The following FBXO42 variants were observed in gnomAD, a reference collection of about 807,000 sequenced individuals.
FBXO42 encodes the protein F-box only protein 42.
Under a neutral mutation model 71.7 loss-of-function variants are expected in FBXO42, and 12 were observed. The observed-to-expected ratio is 0.17, with a 90% confidence interval of 0.11 to 0.27. FBXO42 has a LOEUF of 0.27. Ranked by LOEUF, FBXO42 falls within the 10% of genes least tolerant of loss-of-function variation. FBXO42 has a pLI of 1.00. For synonymous variants in FBXO42, 325 were observed against 327.5 expected (o/e 0.99, Z 0.08); for missense variants, 707 against 911.9 (o/e 0.78, Z 2.89).
intron 1 of FBXO42, among the ~76,000 whole-genome samples, chr1:16,351,581 C>T (rs893706079): frequency 6.6e-6 from 1 of 152,042 alleles, no homozygotes; most frequent in African/African-American, 2.4e-5. Flanking sequence ...TACTCTGCAG[C>T]GACCATCAAG....
intron 4 of FBXO42, among the ~76,000 whole-genome samples, chr1:16,269,105 G>T (rs2081810398): frequency 3.8e-5 from 1 of 26,118 alleles, no homozygotes; most frequent in South Asian, 2.4e-3. Flanking sequence ...CACCGCACCT[G>T]GCTTTTTTTT....
chr1:16,352,130 A>AC (rs2082707552), intron 1 of FBXO42, 125 bp downstream of exon 1: 1 of 383,072 alleles, frequency 2.6e-6, no homozygotes, highest in Non-Finnish European at 4.6e-6. Flanking sequence ...ACCAGGACCG[A>AC]CCCCCGCGTG....
intron 1 of FBXO42, among the ~76,000 whole-genome samples, chr1:16,332,871 T>G (rs1367034405): frequency 6.6e-6 from 1 of 152,148 alleles, no homozygotes; most frequent in South Asian, 2.1e-4. Context: ...ATAAAATGAA[T>G]AAAATTATCA....
At chr1:16,325,752 A>C (rs1391211849) in intron 1 of FBXO42, among the ~76,000 whole-genome samples, 1 of 151,894 alleles carries the variant, frequency 6.6e-6, no homozygotes, top group Non-Finnish European at 1.5e-5. Context: ...CAGCCTCCAG[A>C]GTAGCTGGGA....
At chr1:16,265,327 G>A (rs2081759397) in intron 4 of FBXO42, among the ~76,000 whole-genome samples, 1 of 152,074 alleles carries the variant, frequency 6.6e-6, no homozygotes, top group African/African-American at 2.4e-5. Context: ...CCAACCTCAG[G>A]TGGTCCTCCC....
At chr1:16,316,575 A>G (rs556616926) in intron 1 of FBXO42, among the ~76,000 whole-genome samples, 1 of 151,872 alleles carries the variant, frequency 6.6e-6, no homozygotes, top group East Asian at 1.9e-4. Flanking sequence ...ATCTCTACTA[A>G]AATACAAAAA....
rs201529452 is a variant in FBXO42, at chr1:16,299,232, C to T, written c.368-4315G>A. On this transcript the variant is annotated intron_variant, in intron 3 of 9. Coordinates refer to ENST00000375592, the MANE Select transcript of FBXO42 (RefSeq NM_018994.3). ...TTCACCATGTTGGCCAGGCTGGTCT[C>T]GATCTCCTGACCTCGTGATCCGCCC... Among the ~76,000 whole-genome samples, 64 of 151,904 alleles carry T rather than the reference C, an allele frequency of 4.2e-4. 1 individual carries two copies. In the South Asian group the frequency reaches 0.012, roughly 29 times the overall value.
chr1:16,278,771 CT>C (rs1427092676), intron 4 of FBXO42, among the ~76,000 whole-genome samples: 1 of 151,954 alleles, frequency 6.6e-6, no homozygotes, highest in Non-Finnish European at 1.5e-5. Flanking sequence ...AGTTATTTCT[CT>C]TTTTTTCTTT....
intron 1 of FBXO42, among the ~76,000 whole-genome samples, chr1:16,330,855 T>C (rs903548390): frequency 6.6e-6 from 1 of 151,926 alleles, no homozygotes; most frequent in African/African-American, 2.4e-5. Context: ...GGCAGGAGAA[T>C]CACTTTAACT....
rs894574780 is a variant in FBXO42, at chr1:16,247,813, C to T, written c.*2857G>A. The T allele has an allele frequency of 2.0e-5, 3 of 152,164 alleles. No individual in the cohort carries two copies. Among genetic ancestry groups the T allele is most frequent in the African/African-American group, 7.2e-5 (3 of 41,426 alleles). 9.4% of individuals were successfully genotyped at this position (152,164 alleles called of 1,614,324 possible). ...AATAGGAATGAAAACACAAAACCCG[C>T]TCTGCTGTATAACCTGTGAAATAAG... On this transcript the variant is annotated 3_prime_UTR_variant, in exon 10 of 10. Coordinates refer to ENST00000375592, the MANE Select transcript of FBXO42 (RefSeq NM_018994.3).
At position 16,260,650 on chromosome 1, in the gene FBXO42, A is replaced by G. The variant is rs1319139581; in HGVS notation, c.503-3891T>C. Among the ~76,000 whole-genome samples, 6 of 152,212 alleles carry G rather than the reference A, an allele frequency of 3.9e-5. No individual in the cohort carries two copies. In the South Asian group the frequency reaches 1.2e-3, roughly 31 times the overall value. ...TAACTTGTCCAAGGTCGTAGAACTA[A>G]TAAGTGAAGAGCCAGGATTCTAATC... On this transcript the variant is annotated intron_variant, in intron 4 of 9. Transcript: ENST00000375592.
At chr1:16,312,636 A>C (rs1389815741) in intron 2 of FBXO42, among the ~76,000 whole-genome samples, 2 of 152,174 alleles carry the variant, frequency 1.3e-5, no homozygotes, top group Admixed American at 6.6e-5. Flanking sequence ...CACAACACCA[A>C]GCATGAACAT....
At chr1:16,336,925 T>C (rs1289564515) in intron 1 of FBXO42, among the ~76,000 whole-genome samples, 1 of 151,986 alleles carries the variant, frequency 6.6e-6, no homozygotes, top group Non-Finnish European at 1.5e-5. Flanking sequence ...GTGGAGGTTG[T>C]GGTAAGCAGA....
chr1:16,292,266 G>A (rs1339036153), intron 4 of FBXO42: 1 of 152,000 alleles, frequency 6.6e-6, no homozygotes, highest in Non-Finnish European at 1.5e-5. Flanking sequence ...CCTTTTCTTT[G>A]GCTTCCCTCC....
chr1:16,344,551 G>A (rs2082637938), intron 1 of FBXO42, among the ~76,000 whole-genome samples: 1 of 147,166 alleles, frequency 6.8e-6, no homozygotes, highest in South Asian at 2.1e-4. Context: ...GGCCAGGCTG[G>A]TGTCAAACTC....
chr1:16,338,416 C>T (rs996318977), intron 1 of FBXO42, among the ~76,000 whole-genome samples: 1 of 148,346 alleles, frequency 6.7e-6, no homozygotes, highest in African/African-American at 2.5e-5. Flanking sequence ...TGGATACAGA[C>T]TTTCACTTTC....
intron 3 of FBXO42, 51 bp downstream of exon 3, chr1:16,305,752 G>A: frequency 6.7e-7 from 1 of 1,484,044 alleles, no homozygotes; most frequent in Non-Finnish European, 9.4e-7. Flanking sequence ...ACAAGTTTCT[G>A]GAAATATGAC....
intron 1 of FBXO42, among the ~76,000 whole-genome samples, chr1:16,349,417 G>A (rs2082679695): frequency 6.6e-6 from 1 of 152,206 alleles, no homozygotes. Context: ...AGGGCCCTCA[G>A]TAGGTGGTTC....
At chr1:16,316,169 C>CAAAAAAAAAAAAAAAAA (rs58485035) in intron 1 of FBXO42, among the ~76,000 whole-genome samples, 1 of 109,076 alleles carries the variant, frequency 9.2e-6, no homozygotes, top group Non-Finnish European at 1.8e-5. Flanking sequence ...ACCTCCATCT[C>CAAAAAAAAAAAAAAAAA]AAAAAAAAAA....
Sources: allele counts gnomAD v4.1 joint callset (sites outside exome capture counted in the v4.1 genomes callset), GRCh38; gene constraint gnomAD v4.1.1; transcripts MANE v1.5; gene names NCBI Gene and HGNC (gene_info 2026-07-23, HGNC 2026-07-21).